KAT6B: variants seen among roughly 807,000 people sequenced by gnomAD.
The protein encoded by KAT6B is histone acetyltransferase KAT6B.
A neutral mutation model predicts 187.5 loss-of-function variants in KAT6B; 10 were observed. The ratio of observed to expected loss-of-function variants is 0.05; its 90% CI spans 0.03 to 0.09. The LOEUF (loss-of-function observed/expected upper bound fraction) is 0.09, where lower values mean the gene tolerates loss of function less well. Ranked by LOEUF, KAT6B falls within the 10% of genes least tolerant of loss-of-function variation. The pLI, the probability that KAT6B is intolerant of heterozygous loss-of-function variation, is 1.00. For synonymous variants in KAT6B, 861 were observed against 926.8 expected, an observed-to-expected ratio of 0.93 and a Z score of 1.29; for missense variants, 1,952 against 2,558.9, an observed-to-expected ratio of 0.76 and a Z score of 5.12.
chr10:75,004,448 C>T (rs757092375), intron 13 of KAT6B, among the ~76,000 whole-genome samples: 9 of 152,196 alleles, frequency 5.9e-5, no homozygotes, highest in Admixed American at 1.3e-4. Flanking sequence ...TTGTTTTTTA[C>T]ACTTTATTTA....
At chr10:74,908,150 C>T (rs550706154) in intron 3 of KAT6B, among the ~76,000 whole-genome samples, 2 of 152,322 alleles carry the variant, frequency 1.3e-5, no homozygotes, top group South Asian at 4.1e-4. Flanking sequence ...CATTCAGCTT[C>T]TTGCCATGTG....
At chr10:74,827,761 A>G (rs1055062361) in intron 1 of KAT6B, among the ~76,000 whole-genome samples, 1 of 152,074 alleles carries the variant, frequency 6.6e-6, no homozygotes, top group African/African-American at 2.4e-5. Flanking sequence ...GGACTGTGCC[A>G]GGGGTGAGGA....
rs1589832052 is a variant in KAT6B, at chr10:75,025,215, C to T, written c.3630C>T (p.Asp1210=). The T allele has an allele frequency of 1.9e-6, 3 of 1,614,182 alleles. No homozygotes were observed. The South Asian group carries it at 3.3e-5, about 18-fold the overall frequency. The change falls in exon 17 of 18, where the codon GAC becomes GAT. Residue 1210 remains aspartate, a synonymous_variant. Transcript: ENST00000287239. ...AAACAGAGGAAGAGGAAGGAAAAGA[C>T]AATCATTGCTTCAAGAATGCTGACC... ...KRQTEEEEGK[D]NHCFKNADPC... is the part of the protein sequence containing the mutation.
rs532498994 is a variant in KAT6B at position 74,878,517 on chromosome 10, G to T, written c.621+35039G>T. ...TGCCTGTAATCCCAGCTACTCGGGAGGCTGAGGCAGGAGAATCACTTGAAC... is the reference window on the plus strand; with the variant it reads ...TGCCTGTAATCCCAGCTACTCGGGATGCTGAGGCAGGAGAATCACTTGAAC... On this transcript the variant is annotated intron_variant, in intron 3 of 17. Coordinates refer to ENST00000287239, the MANE Select transcript of KAT6B (RefSeq NM_012330.4). Among the ~76,000 whole-genome samples, 625 of 151,932 alleles carry T rather than the reference G, an allele frequency of 4.1e-3. 4 individuals carry two copies. Among genetic ancestry groups the T allele is most frequent in the Middle Eastern group, 0.01 (3 of 294 alleles).
intron 3 of KAT6B, among the ~76,000 whole-genome samples, chr10:74,860,084 CT>C: frequency 6.6e-6 from 1 of 151,770 alleles, no homozygotes; most frequent in Non-Finnish European, 1.5e-5. Flanking sequence ...ACTTTAAGTT[CT>C]AGGGAACATG....
intron 3 of KAT6B, among the ~76,000 whole-genome samples, chr10:74,918,678 G>A (rs922861747): frequency 6.6e-6 from 1 of 152,122 alleles, no homozygotes; most frequent in Non-Finnish European, 1.5e-5. Context: ...GGGAGGCAGA[G>A]GTTGCAGTGA....
At chr10:75,008,428 G>A (rs1015313005) in intron 13 of KAT6B, among the ~76,000 whole-genome samples, 1 of 152,116 alleles carries the variant, frequency 6.6e-6, no homozygotes, top group African/African-American at 2.4e-5. Context: ...GAAGAAAAAG[G>A]CTACGATGAC....
intron 13 of KAT6B, among the ~76,000 whole-genome samples, chr10:74,998,929 T>TA (rs899362698): frequency 6.6e-6 from 1 of 152,010 alleles, no homozygotes; most frequent in Non-Finnish European, 1.5e-5. Context: ...CCCTGTTTCT[T>TA]AAAAAAAATT....
intron 3 of KAT6B, among the ~76,000 whole-genome samples, chr10:74,862,102 T>C (rs1843227794): frequency 6.6e-6 from 1 of 152,166 alleles, no homozygotes; most frequent in Non-Finnish European, 1.5e-5. Flanking sequence ...AAACCATTGA[T>C]TAATTAAACT....
At chr10:74,965,006 T>C (rs1841361174) in intron 4 of KAT6B, among the ~76,000 whole-genome samples, 1 of 152,248 alleles carries the variant, frequency 6.6e-6, no homozygotes, top group African/African-American at 2.4e-5. Flanking sequence ...TTTTCCATAC[T>C]ATAGCCTAAG....
rs765468821 is a variant in KAT6B, at chr10:74,843,454, C to T, written c.597C>T (p.Ser199=). ...TCCCATCCTCGCTCCCACCTGTCAG[C>T]CTTCTACCCCATGAGAAAGACCAGG... The part of the protein sequence containing the change: ...SAFPSSLPPV[S]LLPHEKDQPR... The change falls in exon 3 of 18, where the codon AGC becomes AGT. Residue 199 remains serine (S), a synonymous_variant. Coordinates refer to ENST00000287239, the MANE Select transcript of KAT6B (RefSeq NM_012330.4). 12 of 1,613,792 alleles carry T rather than the reference C, an allele frequency of 7.4e-6. No individual in the cohort carries two copies. The highest frequency in any genetic ancestry group is 1.7e-4 in the Middle Eastern group (1 of 5,752).
intron 16 of KAT6B, among the ~76,000 whole-genome samples, chr10:75,023,317 G>C (rs957495413): frequency 2.6e-5 from 4 of 152,216 alleles, no homozygotes; most frequent in Non-Finnish European, 4.4e-5. Context: ...CTAACTCCCA[G>C]CTCAGCGCTC....
At chr10:75,022,446 A>T (rs1356545758) in intron 16 of KAT6B, among the ~76,000 whole-genome samples, 1 of 152,208 alleles carries the variant, frequency 6.6e-6, no homozygotes, top group Non-Finnish European at 1.5e-5. Context: ...GAAACCAGGG[A>T]CAGGCCAGCC....
chr10:74,970,162 G>C, intron 6 of KAT6B, 61 bp downstream of exon 6: 1 of 1,271,698 alleles, frequency 7.9e-7, no homozygotes, highest in Non-Finnish European at 1.1e-6. Flanking sequence ...TTTGTCCTGA[G>C]GTCTGACAGC....
At chr10:75,009,088 A>C (rs1036866039) in intron 13 of KAT6B, among the ~76,000 whole-genome samples, 1 of 152,240 alleles carries the variant, frequency 6.6e-6, no homozygotes, top group East Asian at 1.9e-4. Context: ...ACCTAGTTGT[A>C]TATACCCCCA....
intron 3 of KAT6B, among the ~76,000 whole-genome samples, chr10:74,911,860 T>TGA (rs1482682775): frequency 6.6e-6 from 1 of 152,176 alleles, no homozygotes; most frequent in Non-Finnish European, 1.5e-5. Flanking sequence ...AACAGGGTCT[T>TGA]GCTCTGTTGC....
intron 3 of KAT6B, among the ~76,000 whole-genome samples, chr10:74,957,273 T>C (rs1463951323): frequency 6.6e-6 from 1 of 152,258 alleles, no homozygotes; most frequent in Non-Finnish European, 1.5e-5. Flanking sequence ...TTATCAATAA[T>C]TCAGCAGGGC....
chr10:74,854,877 C>T (rs576571185), intron 3 of KAT6B, among the ~76,000 whole-genome samples: 20 of 152,310 alleles, frequency 1.3e-4, no homozygotes, highest in African/African-American at 3.4e-4. Flanking sequence ...GCTCGACAGG[C>T]GTTACAGAAG....
intron 3 of KAT6B, among the ~76,000 whole-genome samples, chr10:74,951,791 G>GT (rs1252430627): frequency 6.6e-6 from 1 of 152,178 alleles, no homozygotes; most frequent in Non-Finnish European, 1.5e-5. Flanking sequence ...TTCTTTACAT[G>GT]TCGTGTTTGT....
Sources: gnomAD v4.1 joint callset for allele counts (sites outside exome capture counted in the v4.1 genomes callset) on GRCh38, gnomAD v4.1.1 for gene constraint, MANE v1.5 for transcripts, NCBI Gene and HGNC (gene_info 2026-07-23, HGNC 2026-07-21) for gene names.